CHD9: variants seen among roughly 807,000 people sequenced by gnomAD.
CHD9 encodes the protein chromodomain helicase DNA binding protein 9, also known as ATP-dependent chromatin remodeler CHD9.
A neutral mutation model predicts 316.1 loss-of-function variants in CHD9; 77 were observed. That is an observed-to-expected ratio of 0.24 (90% CI 0.20 to 0.29). The LOEUF (loss-of-function observed/expected upper bound fraction) is 0.29. CHD9 is among the 10% of genes least tolerant of loss of function. The pLI is 1.00. For missense variants in CHD9, 2,763 were observed against 3,438.1 expected, an observed-to-expected ratio of 0.80 and a Z score of 4.91; for synonymous variants, 1,129 against 1,158.3, an observed-to-expected ratio of 0.97 and a Z score of 0.51.
At chr16:53,186,986 C>G (rs960926441) in intron 2 of CHD9, among the ~76,000 whole-genome samples, 1 of 152,048 alleles carries the variant, frequency 6.6e-6, no homozygotes, top group African/African-American at 2.4e-5. Flanking sequence ...CAGACTAATA[C>G]AAATGCCAAG....
chr16:53,204,545 GT>G (rs1264273987), intron 2 of CHD9, among the ~76,000 whole-genome samples: 1 of 152,112 alleles, frequency 6.6e-6, no homozygotes, highest in South Asian at 2.1e-4. Context: ...TACTCTATTT[GT>G]TTTTTTGTTT....
intron 1 of CHD9, among the ~76,000 whole-genome samples, chr16:53,120,741 A>C (rs2038686525): frequency 6.6e-6 from 1 of 152,364 alleles, no homozygotes; most frequent in African/African-American, 2.4e-5. Context: ...GCAGTGGCTC[A>C]CGCCTGTAAT....
At chr16:53,137,742 C>G (rs536628543) in intron 1 of CHD9, among the ~76,000 whole-genome samples, 23 of 152,154 alleles carry the variant, frequency 1.5e-4, no homozygotes, top group African/African-American at 4.3e-4. Flanking sequence ...AATGAGTACC[C>G]ATGTTGTACC....
intron 15 of CHD9, among the ~76,000 whole-genome samples, chr16:53,246,449 T>G (rs2049620645): frequency 6.6e-6 from 1 of 152,176 alleles, no homozygotes. Flanking sequence ...ATCAAGCACC[T>G]GTAACATGGC....
chr16:53,189,875 A>T (rs1052927328), intron 2 of CHD9, among the ~76,000 whole-genome samples: 1 of 152,200 alleles, frequency 6.6e-6, no homozygotes, highest in African/African-American at 2.4e-5. Flanking sequence ...CGGAAAGCTA[A>T]TGTTGACAGT....
At chr16:53,151,499 ACCTG>A (rs1394306166) in intron 1 of CHD9, among the ~76,000 whole-genome samples, 1 of 151,808 alleles carries the variant, frequency 6.6e-6, no homozygotes, top group African/African-American at 2.4e-5. Flanking sequence ...CAGGTGATCC[ACCTG>A]CCTTAGACTC....
chr16:53,170,343 C>T (rs1284549909), intron 2 of CHD9, among the ~76,000 whole-genome samples: 1 of 152,076 alleles, frequency 6.6e-6, no homozygotes, highest in African/African-American at 2.4e-5. Flanking sequence ...TGTTAAAAAT[C>T]AATGTCGTAA....
In CHD9 at chr16:53,325,899, G is replaced by A. The variant is rs957820554; in HGVS notation, c.*1004G>A. The A allele has an allele frequency of 6.6e-6, 1 of 152,494 alleles. No homozygotes were observed. The highest frequency in any genetic ancestry group is 2.4e-5 in the African/African-American group (1 of 41,438). 9.4% of individuals were successfully genotyped at this position (152,494 alleles called of 1,614,324 possible). A position where few individuals can be genotyped will look rare whatever the true frequency, so the allele number is the denominator to read the frequency against. On this transcript the variant is annotated 3_prime_UTR_variant, in exon 39 of 39. Transcript: ENST00000447540. ...TCATGGAAATATTCCAGAATTAACA[G>A]ATAATAGTGGTAAAGTAATATGCAG...
chr16:53,094,350 G>A (rs2036205613), intron 1 of CHD9, among the ~76,000 whole-genome samples: 1 of 152,162 alleles, frequency 6.6e-6, no homozygotes, highest in Non-Finnish European at 1.5e-5. Flanking sequence ...GGGCAGGCCT[G>A]GCAAAGACCC....
chr16:53,196,430 T>C (rs12599839), intron 2 of CHD9, among the ~76,000 whole-genome samples: 47,237 of 152,012 alleles, frequency 0.31, 7,504 homozygotes, highest in Middle Eastern at 0.39. Context: ...ACATAGCCTG[T>C]GGTATTCCAA....
At chr16:53,272,109 A>T (rs1301306299) in intron 22 of CHD9, among the ~76,000 whole-genome samples, 1 of 152,134 alleles carries the variant, frequency 6.6e-6, no homozygotes, top group Non-Finnish European at 1.5e-5. Flanking sequence ...CTTTAAAGAG[A>T]TATTATTAAA....
chr16:53,159,784 A>T (rs1205552325), intron 2 of CHD9, among the ~76,000 whole-genome samples: 1 of 151,734 alleles, frequency 6.6e-6, no homozygotes, highest in Admixed American at 6.6e-5. Flanking sequence ...TAATTTTTGT[A>T]TTTTCAGTAG....
At chr16:53,168,425 A>G in intron 2 of CHD9, 1 of 152,244 alleles carries the variant, frequency 6.6e-6, no homozygotes, top group Non-Finnish European at 1.5e-5. Context: ...GTACATTGGA[A>G]TATATATAGA....
intron 2 of CHD9, among the ~76,000 whole-genome samples, chr16:53,192,256 C>A (rs145415778): frequency 1.3e-3 from 200 of 152,292 alleles, no homozygotes; most frequent in African/African-American, 4.6e-3. Context: ...AAGCCACATA[C>A]AACACCGACT....
chr16:53,155,557 C>T (rs1597194695), intron 1 of CHD9, among the ~76,000 whole-genome samples: 1 of 152,262 alleles, frequency 6.6e-6, no homozygotes, highest in Non-Finnish European at 1.5e-5. Context: ...AGATACCATA[C>T]AATTCATTCA....
At chr16:53,215,623 T>C (rs2046693379) in intron 3 of CHD9, among the ~76,000 whole-genome samples, 1 of 152,170 alleles carries the variant, frequency 6.6e-6, no homozygotes, top group Non-Finnish European at 1.5e-5. Flanking sequence ...TAATGTGACA[T>C]TATATTTTTG....
intron 26 of CHD9, among the ~76,000 whole-genome samples, chr16:53,287,679 A>G (rs954902428): frequency 2.0e-4 from 31 of 152,184 alleles, no homozygotes; most frequent in African/African-American, 7.5e-4. Context: ...GTGAGCTGAG[A>G]TTGTGCCACC....
At chr16:53,181,537 TTAAAAC>T (rs1236254684) in intron 2 of CHD9, among the ~76,000 whole-genome samples, 3 of 152,090 alleles carry the variant, frequency 2.0e-5, no homozygotes, top group African/African-American at 7.2e-5. Context: ...TCAGAAAAGG[TTAAAAC>T]TAAGAGAATT....
chr16:53,114,142 C>A (rs1028088379), intron 1 of CHD9, among the ~76,000 whole-genome samples: 1 of 151,590 alleles, frequency 6.6e-6, no homozygotes, highest in African/African-American at 2.4e-5. Flanking sequence ...TAGAGTTTGC[C>A]ATAACAAAAA....
Sources: gnomAD v4.1 joint callset for allele counts (sites outside exome capture counted in the v4.1 genomes callset) on GRCh38, gnomAD v4.1.1 for gene constraint, MANE v1.5 for transcripts, NCBI Gene and HGNC (gene_info 2026-07-23, HGNC 2026-07-21) for gene names.